The following RNFT1 variants were observed in gnomAD, a reference collection of about 807,000 sequenced individuals.
RNFT1 encodes E3 ubiquitin-protein ligase RNFT1.
A neutral mutation model predicts 53.2 loss-of-function variants in RNFT1; 35 were observed. That is an observed-to-expected ratio of 0.66 (90% CI 0.50 to 0.87). The LOEUF is 0.87. Ranked by LOEUF, RNFT1 falls within the 40% of genes least tolerant of loss-of-function variation. RNFT1 has a pLI of 0.00. For missense variants in RNFT1, 421 were observed against 515.0 expected, an observed-to-expected ratio of 0.82 and a Z score of 1.77; for synonymous variants, 141 against 172.8, an observed-to-expected ratio of 0.82 and a Z score of 1.44.
intron 8 of RNFT1, 67 bp downstream of exon 8, chr17:59,953,978 A>T: frequency 3.0e-6 from 3 of 1,000,952 alleles, no homozygotes; most frequent in Non-Finnish European, 4.4e-6. Context: ...CAGCAAACAT[A>T]AATTTGACTT....
chr17:59,964,608 C>G lies in RNFT1; in HGVS notation c.56G>C (p.Arg19Thr), dbSNP rs775184436. 3 of 1,603,160 alleles carry G rather than the reference C, an allele frequency of 1.9e-6. No homozygotes were observed. The highest frequency in any genetic ancestry group is 1.6e-4 in the Middle Eastern group (1 of 6,072). The change falls in exon 1 of 9, where the codon AGG becomes ACG. Residue 19 changes from arginine (R) to threonine (T), a missense_variant and splice_region_variant. By Grantham distance (71) the Arg-to-Thr change is moderately conservative. Coordinates refer to ENST00000305783, the MANE Select transcript of RNFT1 (RefSeq NM_016125.4). ...TCTGCCCGCTTCCCCCAGGCCTAACCTCTCATGACCAGAAGCGGACGGAGG... is the reference window on the plus strand; with the variant it reads ...TCTGCCCGCTTCCCCCAGGCCTAACGTCTCATGACCAGAAGCGGACGGAGG... ...PTPPSASGHERRQRPEAKTSG... is the reference protein window; with the variant it reads ...PTPPSASGHETRQRPEAKTSG...
chr17:59,953,948 ATTTT>A, intron 8 of RNFT1, 93 bp downstream of exon 8: 2 of 614,236 alleles, frequency 3.3e-6, no homozygotes, highest in East Asian at 3.4e-5. Context: ...TAAACACTAG[ATTTT>A]TTTTTTTTTG....
chr17:59,953,077 A>C lies in RNFT1; in HGVS notation c.1208T>G (p.Phe403Cys). 1 of 1,611,652 alleles carries C rather than the reference A, an allele frequency of 6.2e-7. No homozygotes were observed. Among genetic ancestry groups the C allele is most frequent in the Non-Finnish European group, 8.5e-7 (1 of 1,177,850 alleles). The change falls in exon 9 of 9, where the codon TTT becomes TGT. Residue 403 changes from phenylalanine (F) to cysteine (C), a missense_variant. Coordinates refer to ENST00000305783, the MANE Select transcript of RNFT1 (RefSeq NM_016125.4). ...IFCEECMTLW[F>C]NREKTCPLCR... ...GAGTGGACATGTTTTCTCTCTGTTA[A>C]ACCATAAGGTCATGCACTCTTCACA...
At chr17:59,961,586 T>C (rs2045292591) in intron 3 of RNFT1, among the ~76,000 whole-genome samples, 1 of 149,756 alleles carries the variant, frequency 6.7e-6, no homozygotes, top group African/African-American at 2.4e-5. Flanking sequence ...TTTTCTCTCT[T>C]TTTTTTTTTG....
rs1300969840 is a variant in RNFT1, at chr17:59,953,096, C to T, written c.1189G>A (p.Glu397Lys). ...CTGTTAAACCATAAGGTCATGCACTCTTCACAAAATATATGCTGTAATGGA... is the reference window on the plus strand; with the variant it reads ...CTGTTAAACCATAAGGTCATGCACTTTTCACAAAATATATGCTGTAATGGA... Reference protein sequence around the residue: ...LLICQHIFCEECMTLWFNREK... With the variant: ...LLICQHIFCEKCMTLWFNREK... Residue 397 changes from glutamate to lysine, a missense_variant, in exon 9 of 9, where the codon GAG becomes AAG. Transcript: ENST00000305783. 11 of 1,603,926 alleles carry T rather than the reference C, an allele frequency of 6.9e-6. No homozygotes were observed. The highest frequency in any genetic ancestry group is 1.3e-5 in the African/African-American group (1 of 74,530).
rs560752955 is a variant in RNFT1 at position 59,960,060 on chromosome 17, C to G, written c.692+8G>C. 1.3e-6 allele frequency: 2 copies of G among 1,588,384 alleles called. No individual in the cohort carries two copies. The highest frequency in any genetic ancestry group is 2.3e-5 in the South Asian group (2 of 85,932). ...AAAATGTAATTGTGTATTTGGACCT[C>G]TAATTACCTGTAATAAAGTGACTGA... is the stretch of plus-strand genomic sequence containing the variant. On this transcript the variant is annotated splice_region_variant and intron_variant, in intron 4 of 8. Coordinates refer to ENST00000305783, the MANE Select transcript of RNFT1 (RefSeq NM_016125.4).
intron 4 of RNFT1, chr17:59,958,685 G>C (rs1432011480): frequency 1.8e-6 from 1 of 553,836 alleles, no homozygotes; most frequent in Non-Finnish European, 3.4e-6. Flanking sequence ...GTTTGTCATA[G>C]TTGACACCTT....
chr17:59,953,050 C>T lies in RNFT1; in HGVS notation c.1235G>A (p.Cys412Tyr), dbSNP rs1231526670. ...WFNREKTCPL[C>Y]RTVISDHINK... ...TATATGGTCTGAAATCACAGTTCTGCAGAGTGGACATGTTTTCTCTCTGTT... is the reference window on the plus strand; with the variant it reads ...TATATGGTCTGAAATCACAGTTCTGTAGAGTGGACATGTTTTCTCTCTGTT... The change falls in exon 9 of 9, where the codon TGC becomes TAC. Residue 412 changes from cysteine to tyrosine, a missense_variant. By Grantham distance (194) the Cys-to-Tyr change is radical. Coordinates refer to ENST00000305783, the MANE Select transcript of RNFT1 (RefSeq NM_016125.4). 1.2e-6 allele frequency: 2 copies of T among 1,612,746 alleles called. No homozygotes were observed. The highest frequency in any genetic ancestry group is 1.7e-5 in the Admixed American group (1 of 60,026).
In RNFT1 at chr17:59,963,261, G is replaced by A. The variant is rs778713054; in HGVS notation, c.80C>T (p.Thr27Ile). 6.2e-7 allele frequency: 1 copy of A among 1,609,228 alleles called. No individual in the cohort carries two copies. The highest frequency in any genetic ancestry group is 1.1e-5 in the South Asian group (1 of 91,048). ...HERRQRPEAK[T>I]SGSEKKYLRA... Reference sequence around the variant, plus strand: ...TAAATACTTTTTCTCTGACCCAGATGTCTTTGCTTCAGGCCTCTGTCTCCT... The same window carrying A: ...TAAATACTTTTTCTCTGACCCAGATATCTTTGCTTCAGGCCTCTGTCTCCT... The change falls in exon 2 of 9, where the codon ACA becomes ATA. Residue 27 changes from threonine to isoleucine, a missense_variant. By Grantham distance (89) the Thr-to-Ile change is moderately conservative. Transcript: ENST00000305783.
intron 2 of RNFT1, 105 bp downstream of exon 2, chr17:59,962,722 C>T: frequency 1.5e-6 from 2 of 1,324,730 alleles, no homozygotes; most frequent in Non-Finnish European, 2.1e-6. Context: ...ATAATAAAAG[C>T]TCACAGAAAA....
At position 59,958,345 on chromosome 17, in the gene RNFT1, G is replaced by A. The variant is rs1568543760; in HGVS notation, c.792C>T (p.Gly264=). 3.1e-6 allele frequency: 5 copies of A among 1,603,040 alleles called. No individual in the cohort carries two copies. The highest frequency in any genetic ancestry group is 4.2e-6 in the Non-Finnish European group (5 of 1,177,458). The change falls in exon 5 of 9, where the codon GGC becomes GGT. Residue 264 remains glycine (G), a synonymous_variant. Transcript: ENST00000305783. ...TDFILKFFFM[G]LKCLILLVPS... The stretch of plus-strand genomic sequence containing the variant: ...GCACCAATAAAATAAGGCATTTTAA[G>A]CCCATGAAAAAGAATTTCAGAATGA...
At chr17:59,964,498 G>C (rs2045319855) in intron 1 of RNFT1, 110 bp downstream of exon 1, 1 of 906,862 alleles carries the variant, frequency 1.1e-6, no homozygotes, top group South Asian at 1.8e-5. Flanking sequence ...GAATCTCCGA[G>C]GGCAGAGTTC....
At position 59,962,631 on chromosome 17, in the gene RNFT1, G is replaced by C. The variant is rs780038172; in HGVS notation, c.515-15C>G. On this transcript the variant is annotated splice_polypyrimidine_tract_variant and intron_variant, in intron 2 of 8. Coordinates refer to ENST00000305783, the MANE Select transcript of RNFT1 (RefSeq NM_016125.4). Reference sequence around the variant, plus strand: ...AAGAGAAATTCCTGTTAGAAAATAAGTTCCAGTTAATTGAAAGAAAAAAAA... The same window carrying C: ...AAGAGAAATTCCTGTTAGAAAATAACTTCCAGTTAATTGAAAGAAAAAAAA... 5 of 1,565,134 alleles carry C rather than the reference G, an allele frequency of 3.2e-6. No homozygotes were observed. The highest frequency in any genetic ancestry group is 2.3e-4 in the Middle Eastern group (1 of 4,282).
intron 5 of RNFT1, 90 bp from the exon 6 acceptor site, chr17:59,957,472 A>T: frequency 1.3e-6 from 1 of 788,446 alleles, no homozygotes; most frequent in Admixed American, 3.4e-5. Flanking sequence ...TGAGTATATT[A>T]TACAATAATA....
intron 7 of RNFT1, among the ~76,000 whole-genome samples, chr17:59,955,290 G>C (rs2045246851): frequency 1.3e-5 from 2 of 152,138 alleles, no homozygotes; most frequent in Admixed American, 6.5e-5. Context: ...TTTCCCTTCA[G>C]TAAGGTGTCA....
At position 59,953,032 on chromosome 17, in the gene RNFT1, T is replaced by C; in HGVS notation, c.1253A>G (p.Asp418Gly). The C allele has an allele frequency of 6.2e-7, 1 of 1,613,452 alleles. No homozygotes were observed. Among genetic ancestry groups the C allele is most frequent in the South Asian group, 1.1e-5 (1 of 91,074 alleles). The change falls in exon 9 of 9, where the codon GAC becomes GGC. Residue 418 changes from aspartate to glycine, a missense_variant. Physicochemically the swap from Asp to Gly is moderately conservative, Grantham distance 94. Transcript: ENST00000305783. ...TCCATCCTTCCATTTGTTTATATGG[T>C]CTGAAATCACAGTTCTGCAGAGTGG... ...TCPLCRTVISDHINKWKDGAT... is the reference protein window; with the variant it reads ...TCPLCRTVISGHINKWKDGAT...
intron 7 of RNFT1, among the ~76,000 whole-genome samples, chr17:59,955,249 T>C (rs1398622054): frequency 6.6e-6 from 1 of 152,166 alleles, no homozygotes; most frequent in East Asian, 1.9e-4. Flanking sequence ...CAGAAATAAG[T>C]CAGGATACTG....
intron 1 of RNFT1, among the ~76,000 whole-genome samples, chr17:59,963,946 G>T (rs151281621): frequency 5.5e-4 from 83 of 152,266 alleles, no homozygotes; most frequent in African/African-American, 1.9e-3. Flanking sequence ...ACTTTGGAGA[G>T]TCACCACGTA....
intron 8 of RNFT1, 59 bp downstream of exon 8, chr17:59,953,986 C>A: frequency 6.7e-6 from 7 of 1,052,428 alleles, no homozygotes; most frequent in Non-Finnish European, 1.4e-6. Flanking sequence ...ATAAATTTGA[C>A]TTTTGCAAGT....
Sources: gnomAD v4.1 joint callset for allele counts (sites outside exome capture counted in the v4.1 genomes callset) on GRCh38, gnomAD v4.1.1 for gene constraint, MANE v1.5 for transcripts, NCBI Gene and HGNC (gene_info 2026-07-23, HGNC 2026-07-21) for gene names.